SPMIP3: variants seen among roughly 807,000 people sequenced by gnomAD.
SPMIP3 encodes sperm microtubule inner protein 3, also known as protein SPMIP3.
chr1:244,365,932 T>C, the SPMIP3 span, among the ~76,000 whole-genome samples: 1 of 152,274 alleles, frequency 6.6e-6, no homozygotes, highest in African/African-American at 2.4e-5. Context: ...GTTTCGCTCT[T>C]TCTTCAAGGT....
At chr1:244,381,381 G>A in the SPMIP3 span, among the ~76,000 whole-genome samples, 1 of 152,150 alleles carries the variant, frequency 6.6e-6, no homozygotes, top group South Asian at 2.1e-4. Flanking sequence ...CAACTCCTCT[G>A]CTATGAGATC....
the SPMIP3 span, chr1:244,388,958 C>T: frequency 1.2e-6 from 2 of 1,612,624 alleles, no homozygotes; most frequent in East Asian, 2.2e-5. Context: ...CAGATTGGAA[C>T]CAGAAATTAG....
the SPMIP3 span, among the ~76,000 whole-genome samples, chr1:244,366,798 T>C: frequency 0.38 from 57,972 of 152,028 alleles, 12,131 homozygotes; most frequent in Middle Eastern, 0.51. Context: ...GAGAATCGCT[T>C]GAACCCAGGA....
At chr1:244,384,874 T>C in the SPMIP3 span, among the ~76,000 whole-genome samples, 1 of 152,164 alleles carries the variant, frequency 6.6e-6, no homozygotes, top group Admixed American at 6.5e-5. Context: ...TATCAAAGTA[T>C]AGGCTGTTTA....
the SPMIP3 span, among the ~76,000 whole-genome samples, chr1:244,369,103 T>C: frequency 6.6e-6 from 1 of 152,004 alleles, no homozygotes; most frequent in African/African-American, 2.4e-5. Flanking sequence ...GAGGTGGCAG[T>C]GAGCCAAGAT....
At chr1:244,374,587 CTTTTTTTTTTTT>C in the SPMIP3 span, among the ~76,000 whole-genome samples, 1,170 of 74,766 alleles carry the variant, frequency 0.016, 28 homozygotes, top group African/African-American at 0.063. Flanking sequence ...CCACATTTCT[CTTTTTTTTTTTT>C]TTTTTTTTTT....
chr1:244,364,609 T>G, the SPMIP3 span: 1 of 1,199,806 alleles, frequency 8.3e-7, no homozygotes, highest in South Asian at 1.2e-5. Context: ...CAAGATGGAC[T>G]TTGTGGTACT....
chr1:244,389,195 T>C, the SPMIP3 span: 2 of 702,680 alleles, frequency 2.8e-6, no homozygotes, highest in Admixed American at 2.5e-5. Flanking sequence ...AATATTTACA[T>C]GTTGCAAATT....
At chr1:244,382,950 G>A in the SPMIP3 span, among the ~76,000 whole-genome samples, 3 of 152,068 alleles carry the variant, frequency 2.0e-5, no homozygotes, top group East Asian at 5.8e-4. Context: ...AAGTTTCTCA[G>A]GCAGACCACT....
the SPMIP3 span, among the ~76,000 whole-genome samples, chr1:244,360,987 C>T: frequency 6.6e-6 from 1 of 151,154 alleles, no homozygotes; most frequent in Non-Finnish European, 1.5e-5. Context: ...ACAAATATTG[C>T]TTGTTCTCAC....
At chr1:244,361,880 G>C in the SPMIP3 span, among the ~76,000 whole-genome samples, 10 of 152,296 alleles carry the variant, frequency 6.6e-5, no homozygotes, top group Middle Eastern at 3.4e-3. Flanking sequence ...GCATTCTTCT[G>C]TCCAGCCTGT....
the SPMIP3 span, among the ~76,000 whole-genome samples, chr1:244,361,622 C>A: frequency 6.6e-6 from 1 of 152,134 alleles, no homozygotes; most frequent in Non-Finnish European, 1.5e-5. Flanking sequence ...ACCCGCATTA[C>A]CCTGATTGGA....
At chr1:244,356,728 T>A in the SPMIP3 span, among the ~76,000 whole-genome samples, 6 of 152,122 alleles carry the variant, frequency 3.9e-5, no homozygotes, top group African/African-American at 1.4e-4. Flanking sequence ...ATGAAATATA[T>A]TCATAGAGAT....
the SPMIP3 span, among the ~76,000 whole-genome samples, chr1:244,381,092 C>T: frequency 6.6e-6 from 1 of 151,812 alleles, no homozygotes; most frequent in Non-Finnish European, 1.5e-5. Flanking sequence ...CCAAGGAGCC[C>T]TGGGGAGGGC....
At chr1:244,358,638 T>TAC in the SPMIP3 span, among the ~76,000 whole-genome samples, 675 of 151,280 alleles carry the variant, frequency 4.5e-3, 5 homozygotes, top group Middle Eastern at 0.028. Flanking sequence ...TATATATATA[T>TAC]ACACACACAT....
At chr1:244,365,160 T>C in the SPMIP3 span, among the ~76,000 whole-genome samples, 56 of 152,272 alleles carry the variant, frequency 3.7e-4, no homozygotes, top group African/African-American at 1.3e-3. Context: ...ACACCAATGT[T>C]GTTTGGCCGA....
chr1:244,380,001 C>T, the SPMIP3 span, among the ~76,000 whole-genome samples: 35 of 151,842 alleles, frequency 2.3e-4, no homozygotes, highest in African/African-American at 7.5e-4. Flanking sequence ...TGAGGCTCCC[C>T]GACGTATAGG....
the SPMIP3 span, among the ~76,000 whole-genome samples, chr1:244,357,565 C>T: frequency 1.3e-5 from 2 of 151,570 alleles, no homozygotes; most frequent in African/African-American, 2.4e-5. Flanking sequence ...AAAAATTAGG[C>T]GAGCGTGGTA....
the SPMIP3 span, among the ~76,000 whole-genome samples, chr1:244,359,489 AGGT>A: frequency 3.3e-5 from 5 of 152,226 alleles, no homozygotes; most frequent in Non-Finnish European, 7.3e-5. Context: ...TGGGAGGCAG[AGGT>A]GGGCAGATCA....
Sources: allele counts gnomAD v4.1 joint callset (sites outside exome capture counted in the v4.1 genomes callset), GRCh38; gene constraint gnomAD v4.1.1; transcripts MANE v1.5; gene names NCBI Gene and HGNC (gene_info 2026-07-23, HGNC 2026-07-21).